Variants in MNAT1 observed in about 807,000 individuals in gnomAD.
MNAT1 encodes the protein MNAT1 component of CDK activating kinase.
Under a neutral mutation model 42.0 loss-of-function variants are expected in MNAT1, and 43 were observed. The ratio of observed to expected loss-of-function variants is 1.02; its 90% confidence interval spans 0.80 to 1.32. The LOEUF is 1.32. Ranked by LOEUF, MNAT1 falls within the 40% of genes most tolerant of loss-of-function variation. The pLI is 0.00. For missense variants in MNAT1, 306 were observed against 350.4 expected, an observed-to-expected ratio of 0.87 and a Z score of 1.01; for synonymous variants, 118 against 120.0, an observed-to-expected ratio of 0.98 and a Z score of 0.11.
chr14:60,929,694 T>A (rs1223161601), intron 7 of MNAT1, among the ~76,000 whole-genome samples: 1 of 152,190 alleles, frequency 6.6e-6, no homozygotes, highest in Admixed American at 6.5e-5. Flanking sequence ...ATTACACATT[T>A]AGCTGTGAGC....
intron 7 of MNAT1, among the ~76,000 whole-genome samples, chr14:60,942,717 A>G (rs984739260): frequency 1.3e-5 from 2 of 152,164 alleles, no homozygotes; most frequent in African/African-American, 4.8e-5. Flanking sequence ...AGTTTGCAAT[A>G]TAAGAAATGA....
intron 6 of MNAT1, among the ~76,000 whole-genome samples, chr14:60,862,584 T>C (rs1293222194): frequency 6.6e-6 from 1 of 152,192 alleles, no homozygotes; most frequent in African/African-American, 2.4e-5. Context: ...GTAGAGGTCA[T>C]TGTGGAGGTC....
intron 1 of MNAT1, chr14:60,753,881 G>A (rs1018124161): frequency 5.3e-5 from 8 of 152,120 alleles, no homozygotes; most frequent in Non-Finnish European, 1.0e-4. Context: ...AATCGAATAT[G>A]GTAGAAGTTT....
chr14:60,896,144 AG>A (rs2034952702), intron 7 of MNAT1, among the ~76,000 whole-genome samples: 1 of 152,224 alleles, frequency 6.6e-6, no homozygotes, highest in African/African-American at 2.4e-5. Flanking sequence ...TCTCATTCAC[AG>A]GGTATCATTA....
intron 6 of MNAT1, among the ~76,000 whole-genome samples, 166 bp downstream of exon 6, chr14:60,819,013 GAAAC>G (rs1043844740): frequency 1.3e-5 from 2 of 152,070 alleles, no homozygotes; most frequent in African/African-American, 4.8e-5. Context: ...TGAGGAAAGT[GAAAC>G]AAATAATTTT....
At chr14:60,957,877 G>A (rs1382576067) in intron 7 of MNAT1, among the ~76,000 whole-genome samples, 1 of 151,446 alleles carries the variant, frequency 6.6e-6, no homozygotes, top group Non-Finnish European at 1.5e-5. Flanking sequence ...CACTCTTGTT[G>A]CCCAGGGTAG....
intron 2 of MNAT1, 21 bp from the exon 3 acceptor site, chr14:60,798,066 T>A (rs1412862046): frequency 8.5e-7 from 1 of 1,182,150 alleles, no homozygotes; most frequent in Non-Finnish European, 1.3e-6. Flanking sequence ...ATATGTAGAT[T>A]TCTTTTTTCT....
chr14:60,834,795 G>C (rs1566786720), intron 6 of MNAT1, among the ~76,000 whole-genome samples: 1 of 152,154 alleles, frequency 6.6e-6, no homozygotes, highest in African/African-American at 2.4e-5. Context: ...GTTTGTGTGG[G>C]AGTCTAAGTC....
chr14:60,856,374 C>T (rs2033959144), intron 6 of MNAT1, among the ~76,000 whole-genome samples: 1 of 148,320 alleles, frequency 6.7e-6, no homozygotes, highest in Admixed American at 6.6e-5. Flanking sequence ...ATCCCTAACT[C>T]TCTTCAGTCC....
chr14:60,836,438 G>A (rs2033391239), intron 6 of MNAT1, among the ~76,000 whole-genome samples: 1 of 152,150 alleles, frequency 6.6e-6, no homozygotes, highest in Non-Finnish European at 1.5e-5. Context: ...CATCCTTTTT[G>A]TTGATGTTGA....
chr14:60,776,573 G>C (rs562711890), intron 1 of MNAT1, among the ~76,000 whole-genome samples: 50 of 152,264 alleles, frequency 3.3e-4, no homozygotes, highest in Admixed American at 8.5e-4. Context: ...ACTGTCCTGG[G>C]GGGGGAGGAG....
intron 7 of MNAT1, among the ~76,000 whole-genome samples, chr14:60,908,633 C>G: frequency 6.6e-6 from 1 of 152,168 alleles, no homozygotes; most frequent in East Asian, 1.9e-4. Flanking sequence ...TCATCCATGT[C>G]CCTATAAAGG....
chr14:60,835,157 A>G (rs1214207109), intron 6 of MNAT1, among the ~76,000 whole-genome samples: 2 of 151,940 alleles, frequency 1.3e-5, no homozygotes, highest in Non-Finnish European at 2.9e-5. Flanking sequence ...TGCACGTGAG[A>G]TGGATCTCCT....
At chr14:60,957,213 T>C (rs2036502267) in intron 7 of MNAT1, among the ~76,000 whole-genome samples, 1 of 152,216 alleles carries the variant, frequency 6.6e-6, no homozygotes, top group Non-Finnish European at 1.5e-5. Flanking sequence ...AAACATCTTA[T>C]AGTTACGCTA....
intron 7 of MNAT1, among the ~76,000 whole-genome samples, chr14:60,967,040 G>A (rs1261118777): frequency 2.0e-5 from 3 of 151,780 alleles, no homozygotes; most frequent in South Asian, 2.1e-4. Context: ...TTCCCCTTTC[G>A]CCCTTGGCAG....
intron 1 of MNAT1, among the ~76,000 whole-genome samples, chr14:60,741,668 T>TTTTTG (rs1402550193): frequency 6.8e-6 from 1 of 146,712 alleles, no homozygotes; most frequent in African/African-American, 2.5e-5. Context: ...GTTTTTTTTT[T>TTTTTG]TTTTTTTTTT....
intron 1 of MNAT1, among the ~76,000 whole-genome samples, chr14:60,783,249 T>A (rs2031528950): frequency 6.6e-6 from 1 of 152,164 alleles, no homozygotes; most frequent in South Asian, 2.1e-4. Context: ...CCTGTAACAT[T>A]CTATTCAGTT....
Position 60,812,118 on chromosome 14 carries a change from A to G in MNAT1, c.552A>G (p.Leu184=), listed in dbSNP as rs2032570733. 6.3e-7 allele frequency: 1 copy of G among 1,583,592 alleles called. No homozygotes were observed. Among genetic ancestry groups the G allele is most frequent in the Non-Finnish European group, 8.5e-7 (1 of 1,169,774 alleles). ...ILKRKNKQAF[L]DELESSDLPV... is the part of the protein sequence containing the mutation. ...AAAGGAAGAATAAGCAGGCTTTTTT[A>G]GATGAGCTGGTATGTATTAATGCTA... Residue 184 remains leucine, a synonymous_variant, in exon 5 of 8, where the codon TTA becomes TTG. Transcript: ENST00000261245.
chr14:60,887,503 G>A (rs189440256), intron 7 of MNAT1, among the ~76,000 whole-genome samples: 268 of 149,264 alleles, frequency 1.8e-3, no homozygotes, highest in African/African-American at 6.5e-3. Flanking sequence ...TTGTCCTTGC[G>A]ATAGTTTACT....
Sources: gnomAD v4.1 joint callset for allele counts (sites outside exome capture counted in the v4.1 genomes callset) on GRCh38, gnomAD v4.1.1 for gene constraint, MANE v1.5 for transcripts, NCBI Gene and HGNC (gene_info 2026-07-23, HGNC 2026-07-21) for gene names.